Variants in ATP5F1C observed in about 807,000 individuals in gnomAD.
ATP5F1C encodes the protein ATP synthase F(1) complex subunit gamma, mitochondrial.
A neutral mutation model predicts 37.4 loss-of-function variants in ATP5F1C; 22 were observed. That is an observed-to-expected ratio of 0.59 (90% confidence interval 0.42 to 0.84). The LOEUF (loss-of-function observed/expected upper bound fraction) is 0.84, where lower values mean the gene tolerates loss of function less well. Among genes scored for constraint, ATP5F1C ranks in the 40% least tolerant of loss-of-function variants. The pLI is 0.00. For synonymous variants in ATP5F1C, 121 were observed against 128.0 expected (o/e 0.95, Z 0.37); for missense variants, 286 against 362.4 (o/e 0.79, Z 1.71).
chr10:7,805,631 C>T (rs565743034), intron 8 of ATP5F1C, among the ~76,000 whole-genome samples: 53 of 151,240 alleles, frequency 3.5e-4, no homozygotes, highest in African/African-American at 1.3e-3. Context: ...CCTGTAGTCC[C>T]AGCTACTATG....
chr10:7,800,855 T>C (rs1836351131), intron 6 of ATP5F1C, among the ~76,000 whole-genome samples: 1 of 152,244 alleles, frequency 6.6e-6, no homozygotes, highest in Non-Finnish European at 1.5e-5. Context: ...AATTCAGTCA[T>C]TGTTTGATAA....
intron 1 of ATP5F1C, among the ~76,000 whole-genome samples, chr10:7,793,963 A>C (rs1359057543): frequency 6.6e-6 from 1 of 152,176 alleles, no homozygotes; most frequent in East Asian, 1.9e-4. Context: ...GTCAGTCCTG[A>C]CAATATTGTT....
chr10:7,802,868 G>C lies in ATP5F1C; in HGVS notation c.890+14G>C. The C allele has an allele frequency of 6.2e-7, 1 of 1,605,368 alleles. No individual in the cohort carries two copies. The highest frequency in any genetic ancestry group is 8.5e-7 in the Non-Finnish European group (1 of 1,176,244). Reference sequence around the variant, plus strand: ...TGCTGCAGCTCTGTGAGTAATTGTAGATTGTCGCCTTCAGAGAATTTTTTT... The same window carrying C: ...TGCTGCAGCTCTGTGAGTAATTGTACATTGTCGCCTTCAGAGAATTTTTTT... On this transcript the variant is annotated intron_variant, in intron 8 of 9. Coordinates refer to ENST00000356708, the MANE Select transcript of ATP5F1C (RefSeq NM_001001973.3).
intron 7 of ATP5F1C, 104 bp downstream of exon 7, chr10:7,802,529 A>C (rs79400639): frequency 7.4e-7 from 1 of 1,347,682 alleles, no homozygotes; most frequent in Non-Finnish European, 1.0e-6. Flanking sequence ...CAACATTAAC[A>C]TGATATTCCT....
intron 7 of ATP5F1C, 23 bp from the exon 8 acceptor site, chr10:7,802,735 T>A (rs753102099): frequency 1.6e-5 from 26 of 1,599,016 alleles, no homozygotes; most frequent in Non-Finnish European, 2.0e-5. Flanking sequence ...ATTTTTTATG[T>A]AGTGTTTTTG....
chr10:7,807,626 G>T, intron 9 of ATP5F1C, 33 bp from the exon 10 acceptor site: 1 of 1,596,124 alleles, frequency 6.3e-7, no homozygotes, highest in South Asian at 1.1e-5. Context: ...AATGCTGTTT[G>T]ATTTCTTACT....
At chr10:7,805,971 A>C (rs1457998810) in intron 8 of ATP5F1C, among the ~76,000 whole-genome samples, 3 of 152,148 alleles carry the variant, frequency 2.0e-5, no homozygotes, top group Non-Finnish European at 4.4e-5. Flanking sequence ...CTGTTGTCCT[A>C]GCTACTCAGG....
At chr10:7,806,436 C>T (rs930268786) in intron 8 of ATP5F1C, among the ~76,000 whole-genome samples, 2 of 152,132 alleles carry the variant, frequency 1.3e-5, no homozygotes, top group Non-Finnish European at 2.9e-5. Flanking sequence ...GGGTGGATCA[C>T]CTGAGGTCAG....
Position 7,799,016 on chromosome 10 carries a change from G to A in ATP5F1C, c.250G>A (p.Gly84Arg), listed in dbSNP as rs564981698. The A allele has an allele frequency of 6.2e-7, 1 of 1,612,180 alleles. No individual in the cohort carries two copies. Among genetic ancestry groups the A allele is most frequent in the Admixed American group, 1.7e-5 (1 of 60,010 alleles). ...TCTGTATGAAAAAGCTGATATCAAG[G>A]GGCCTGAAGACAAGAAGAAACACCT... ...LALYEKADIK[G>R]PEDKKKHLLI... is the part of the protein sequence containing the mutation. The change falls in exon 4 of 10, where the codon GGG (glycine) becomes AGG (arginine). Residue 84 changes from glycine to arginine, a missense_variant. Transcript: ENST00000356708.
chr10:7,799,194 G>C lies in ATP5F1C; in HGVS notation c.428G>C (p.Arg143Thr). 6.2e-7 allele frequency: 1 copy of C among 1,611,986 alleles called. No individual in the cohort carries two copies. Among genetic ancestry groups the C allele is most frequent in the Non-Finnish European group, 8.5e-7 (1 of 1,178,522 alleles). ...GACAAAATCAGAGGCATACTTTATA[G>C]GTAATTTAAATATATATTGTTTATT... is the stretch of plus-strand genomic sequence containing the variant. Reference protein sequence around the residue: ...IGDKIRGILYRTHSDQFLVAF... With the variant: ...IGDKIRGILYTTHSDQFLVAF... Residue 143 changes from arginine (R) to threonine (T), a missense_variant and splice_region_variant, in exon 4 of 10, where the codon AGG becomes ACG. Physicochemically the swap from Arg to Thr is moderately conservative, Grantham distance 71. Coordinates refer to ENST00000356708, the MANE Select transcript of ATP5F1C (RefSeq NM_001001973.3).
chr10:7,792,059 C>G (rs545415404), intron 1 of ATP5F1C, among the ~76,000 whole-genome samples: 1 of 152,220 alleles, frequency 6.6e-6, no homozygotes, highest in African/African-American at 2.4e-5. Context: ...CTTGTTATAA[C>G]CAATAAATTT....
chr10:7,800,791 G>A (rs1035030376), intron 6 of ATP5F1C, among the ~76,000 whole-genome samples: 2 of 152,178 alleles, frequency 1.3e-5, no homozygotes, highest in African/African-American at 2.4e-5. Context: ...CACTGCACCC[G>A]GCCGATCTGG....
chr10:7,792,067 T>A (rs1025628626), intron 1 of ATP5F1C, among the ~76,000 whole-genome samples: 1 of 152,186 alleles, frequency 6.6e-6, no homozygotes, highest in Non-Finnish European at 1.5e-5. Flanking sequence ...AACCAATAAA[T>A]TTTGTGTTCA....
Position 7,807,716 on chromosome 10 carries a change from C to T in ATP5F1C, c.*88C>T, listed in dbSNP as rs566072579. Reference sequence around the variant, plus strand: ...TTTTTAGCTTACTGCTGCCTTTGTCCGAAGAAACTGTTCCTCCATTATTTG... The same window carrying T: ...TTTTTAGCTTACTGCTGCCTTTGTCTGAAGAAACTGTTCCTCCATTATTTG... On this transcript the variant is annotated 3_prime_UTR_variant, in exon 10 of 10. Coordinates refer to ENST00000356708, the MANE Select transcript of ATP5F1C (RefSeq NM_001001973.3). The T allele has an allele frequency of 8.9e-6, 14 of 1,580,844 alleles. No homozygotes were observed. Among genetic ancestry groups the T allele is most frequent in the African/African-American group, 2.7e-5 (2 of 74,220 alleles).
chr10:7,804,172 G>T (rs1445544153), intron 8 of ATP5F1C: 1 of 519,064 alleles, frequency 1.9e-6, no homozygotes. Flanking sequence ...GAGAGTGATA[G>T]CGTGTGACCC....
At chr10:7,802,922 G>A (rs1588503163) in intron 8 of ATP5F1C, 68 bp downstream of exon 8, 3 of 1,399,498 alleles carry the variant, frequency 2.1e-6, no homozygotes, top group Non-Finnish European at 2.0e-6. Flanking sequence ...TTGTTTGGAT[G>A]CTTAAAAGTT....
intron 6 of ATP5F1C, among the ~76,000 whole-genome samples, 188 bp downstream of exon 6, chr10:7,800,279 T>G (rs1297444418): frequency 6.6e-6 from 1 of 152,152 alleles, no homozygotes; most frequent in East Asian, 1.9e-4. Flanking sequence ...CACTGCAAGT[T>G]CCGCCTCCTG....
chr10:7,802,211 T>C, intron 6 of ATP5F1C, 59 bp from the exon 7 acceptor site: 3 of 1,513,516 alleles, frequency 2.0e-6, no homozygotes, highest in Non-Finnish European at 2.7e-6. Flanking sequence ...AAAGCTGTTT[T>C]TGATGAATTA....
chr10:7,796,856 T>C (rs566224827), intron 2 of ATP5F1C, 191 bp from the exon 3 acceptor site: 3 of 498,220 alleles, frequency 6.0e-6, no homozygotes, highest in South Asian at 2.9e-5. Context: ...AGTGCTGGGA[T>C]TACAGGCGTG....
Sources: gnomAD v4.1 joint callset for allele counts (sites outside exome capture counted in the v4.1 genomes callset) on GRCh38, gnomAD v4.1.1 for gene constraint, MANE v1.5 for transcripts, NCBI Gene and HGNC (gene_info 2026-07-23, HGNC 2026-07-21) for gene names.